Variants in EOLA1 observed in about 807,000 individuals in gnomAD.
EOLA1 encodes endothelium and lymphocyte associated ASCH domain 1.
In EOLA1, 1 loss-of-function variant was observed where a neutral mutation model predicts 4.5. That is an observed-to-expected ratio of 0.22 (90% CI 0.08 to 1.05). The LOEUF (loss-of-function observed/expected upper bound fraction) is 1.05, where lower values mean the gene tolerates loss of function less well. Ranked by LOEUF, EOLA1 falls within the 50% of genes least tolerant of loss-of-function variation. The pLI, the probability that EOLA1 is intolerant of heterozygous loss-of-function variation, is 0.57. For synonymous variants in EOLA1, 37 were observed against 52.3 expected (o/e 0.71, Z 1.26); for missense variants, 69 against 127.2 (o/e 0.54, Z 2.20).
In EOLA1 at chrX:149,541,856, G is replaced by C. The variant is rs782291395; in HGVS notation, c.-229-163G>C. On this transcript the variant is annotated intron_variant, in intron 1 of 4. Coordinates refer to ENST00000393985, the MANE Select transcript of EOLA1 (RefSeq NM_001171907.3). Reference sequence around the variant, plus strand: ...GAGGGTCCCACTGCTGTGATTAGCAGAACCAAACTGTGATGTGCACATGTG... The same window carrying C: ...GAGGGTCCCACTGCTGTGATTAGCACAACCAAACTGTGATGTGCACATGTG... 17 of 692,562 alleles carry C rather than the reference G, an allele frequency of 2.5e-5. No homozygotes were observed. The Admixed American group carries it at 1.5e-3, about 60-fold the overall frequency. The allele number at this position is 692,562 out of a possible 1,213,427, so 57.1% of individuals were successfully genotyped here. A position where few individuals can be genotyped will look rare whatever the true frequency, so the allele number is the denominator to read the frequency against.
Position 149,542,047 on chromosome X carries a change from C to T in EOLA1, c.-201C>T. 1 of 753,644 alleles carries T rather than the reference C, an allele frequency of 1.3e-6. No homozygotes were observed. Among genetic ancestry groups the T allele is most frequent in the African/African-American group, 2.3e-5 (1 of 43,884 alleles). The allele number at this position is 753,644 out of a possible 1,213,427, so 62.1% of individuals were successfully genotyped here. A position where few individuals can be genotyped will look rare whatever the true frequency, so the allele number is the denominator to read the frequency against. On this transcript the variant is annotated 5_prime_UTR_variant, in exon 2 of 5. Coordinates refer to ENST00000393985, the MANE Select transcript of EOLA1 (RefSeq NM_001171907.3). ...AAGAAGCTAAGTGGAAGAGTGTTTC[C>T]TCCTCTGGCCGTAAAGCAGGTACTC...
chrX:149,542,587 T>G (rs2124127487), intron 2 of EOLA1, among the ~76,000 whole-genome samples: 1 of 107,838 alleles, frequency 9.3e-6, no homozygotes. Context: ...TCTCCATCAG[T>G]GGAGGAATGG....
At position 149,541,261 on chromosome X, in the gene EOLA1, C is replaced by T. The variant is rs782047690; in HGVS notation, c.-312C>T. 8.8e-6 allele frequency: 1 copy of T among 113,871 alleles called. No homozygotes were observed. The highest frequency in any genetic ancestry group is 3.2e-5 in the African/African-American group (1 of 30,991). The allele number at this position is 113,871 out of a possible 1,213,427, so 9.4% of individuals were successfully genotyped here. The stretch of plus-strand genomic sequence containing the variant: ...CCCACGACTCGCAGGGTCCATGGTT[C>T]CGGAGGCCGTGAGACCTGCCGGGGC... On this transcript the variant is annotated 5_prime_UTR_variant, in exon 1 of 5. Coordinates refer to ENST00000393985, the MANE Select transcript of EOLA1 (RefSeq NM_001171907.3).
chrX:149,544,613 T>C (rs2089799825), intron 2 of EOLA1: 1 of 751,400 alleles, frequency 1.3e-6, no homozygotes, highest in African/African-American at 2.4e-5. Context: ...AGTCTATGAC[T>C]GGGCTGAGGT....
At chrX:149,543,803 G>A (rs1328693478) in intron 2 of EOLA1, among the ~76,000 whole-genome samples, 2 of 90,151 alleles carry the variant, frequency 2.2e-5, no homozygotes, top group African/African-American at 8.7e-5. Context: ...AAGGGGGGTG[G>A]CCTGCACCAC....
rs1274304473 is a variant in EOLA1 at position 149,541,038 on chromosome X, G to A, written c.-535G>A. 8.9e-6 allele frequency: 1 copy of A among 112,849 alleles called. No individual in the cohort carries two copies. Among genetic ancestry groups the A allele is most frequent in the Admixed American group, 9.3e-5 (1 of 10,793 alleles). The allele number at this position is 112,849 out of a possible 1,213,427, so 9.3% of individuals were successfully genotyped here. A position where few individuals can be genotyped will look rare whatever the true frequency, so the allele number is the denominator to read the frequency against. On this transcript the variant is annotated 5_prime_UTR_variant, in exon 1 of 5. Transcript: ENST00000393985. The stretch of plus-strand genomic sequence containing the variant: ...GAAGAGTTATAGACCGCTAACACCT[G>A]TCACTGGCCACTGGTTTCCCGGAGT...
intron 2 of EOLA1, 173 bp from the exon 3 acceptor site, chrX:149,545,195 G>A (rs1280210741): frequency 8.6e-6 from 5 of 580,449 alleles, no homozygotes; most frequent in African/African-American, 2.7e-5. Context: ...AGGGGAAAGG[G>A]AAGAGAAGCA....
chrX:149,544,346 G>C lies in EOLA1; in HGVS notation c.-162-1022G>C, dbSNP rs1310242063. On this transcript the variant is annotated intron_variant, in intron 2 of 4. Transcript: ENST00000393985. ...GCAGCTTTGGCCCTATCAGGGCTTT[G>C]TCTCATGAGGGTGGGTATATTTTCT... Among the ~76,000 whole-genome samples the C allele has an allele frequency of 9.9e-5, 8 of 80,743 alleles. No homozygotes were observed. In the East Asian group the frequency reaches 3.1e-3, roughly 31 times the overall value. The allele number at this position is 80,743 out of a possible 115,157, so 70.1% of individuals were successfully genotyped here.
rs1164238333 is a variant in EOLA1 at position 149,545,640 on chromosome X, G to A, written c.10G>A (p.Gly4Ser). ...CGGGGCGCTTGCGAAGATGAAGTTT[G>A]GCTGCCTCTCCTTCCGGCAGCCTTA... MKF[G>S]CLSFRQPYAG... The change falls in exon 4 of 5, where the codon GGC (glycine) becomes AGC (serine). Residue 4 changes from glycine (G) to serine (S), a missense_variant. Transcript: ENST00000393985. The A allele has an allele frequency of 8.3e-7, 1 of 1,205,147 alleles. No individual in the cohort carries two copies. The highest frequency in any genetic ancestry group is 1.7e-5 in the African/African-American group (1 of 57,439).
intron 4 of EOLA1, 123 bp downstream of exon 4, chrX:149,546,006 G>GAAGGTGTGTT: frequency 1.2e-6 from 1 of 824,741 alleles, no homozygotes. Context: ...AGTTTCCTTT[G>GAAGGTGTGTT]GCAACACACC....
At position 149,545,762 on chromosome X, in the gene EOLA1, T is replaced by C; in HGVS notation, c.132T>C (p.Ala44=). The C allele has an allele frequency of 8.3e-7, 1 of 1,212,021 alleles. No individual in the cohort carries two copies. The highest frequency in any genetic ancestry group is 1.1e-6 in the Non-Finnish European group (1 of 895,440). The stretch of plus-strand genomic sequence containing the variant: ...ACTGTACCATCGCCGTCCACATTGC[T>C]CACAGGGACTGGGAAGGCGATGCCT... The part of the protein sequence containing the change: ...QRNCTIAVHI[A]HRDWEGDAWR... The change falls in exon 4 of 5, where the codon GCT becomes GCC. Residue 44 remains alanine, a synonymous_variant. Transcript: ENST00000393985.
At chrX:149,544,133 T>G in intron 2 of EOLA1, among the ~76,000 whole-genome samples, 1 of 49,820 alleles carries the variant, frequency 2.0e-5, no homozygotes, top group African/African-American at 8.7e-5. Context: ...GTGCTCAGAG[T>G]AGGGATGCTG....
intron 2 of EOLA1, among the ~76,000 whole-genome samples, chrX:149,543,490 TG>T (rs1557346732): frequency 3.2e-3 from 34 of 10,654 alleles, no homozygotes; most frequent in Middle Eastern, 0.14. Flanking sequence ...GGACAAGTGC[TG>T]GGGGGGGGTG....
intron 2 of EOLA1, chrX:149,544,504 T>C: frequency 6.6e-6 from 5 of 751,940 alleles, no homozygotes; most frequent in Non-Finnish European, 7.8e-6. Context: ...GGGCAGCCAC[T>C]ATTTCTGACT....
intron 2 of EOLA1, chrX:149,544,922 CTT>C (rs2089808652): frequency 1.3e-6 from 1 of 751,210 alleles, no homozygotes; most frequent in South Asian, 6.8e-5. Flanking sequence ...TATCATTCTT[CTT>C]TTCTCAGCTC....
intron 2 of EOLA1, 114 bp downstream of exon 2, chrX:149,542,199 G>T (rs1208617600): frequency 1.5e-5 from 3 of 194,785 alleles, no homozygotes; most frequent in Non-Finnish European, 1.6e-5. Context: ...ACGAGAAAAG[G>T]GTTGGCTAAG....
chrX:149,549,147 G>A (rs192140063), downstream of EOLA1, among the ~76,000 whole-genome samples: 2,442 of 111,407 alleles, frequency 0.022, 94 homozygotes, highest in African/African-American at 0.077. Context: ...ATGCAGGTCT[G>A]CAAAATATGA....
chrX:149,544,869 G>A, intron 2 of EOLA1: 1 of 754,288 alleles, frequency 1.3e-6, no homozygotes, highest in Non-Finnish European at 1.6e-6. Context: ...CCCAGAGGCT[G>A]GCACGTGGAA....
chrX:149,541,890 A>G, intron 1 of EOLA1, 129 bp from the exon 2 acceptor site: 1 of 635,845 alleles, frequency 1.6e-6, no homozygotes, highest in Non-Finnish European at 1.9e-6. Flanking sequence ...TGTGTTACTG[A>G]TAAGACCAGG....
Sources: gnomAD v4.1 joint callset for allele counts (sites outside exome capture counted in the v4.1 genomes callset) on GRCh38, gnomAD v4.1.1 for gene constraint, MANE v1.5 for transcripts, NCBI Gene and HGNC (gene_info 2026-07-23, HGNC 2026-07-21) for gene names.